Variants in PLEKHM2 observed in about 807,000 individuals in gnomAD.
PLEKHM2 encodes pleckstrin homology domain-containing family M member 2.
In PLEKHM2, 77 loss-of-function variants were observed where a neutral mutation model predicts 116.3. The ratio of observed to expected loss-of-function variants is 0.66; its 90% CI spans 0.55 to 0.80. The LOEUF (loss-of-function observed/expected upper bound fraction) is 0.80, where lower values mean the gene tolerates loss of function less well. PLEKHM2 is among the 30% of genes least tolerant of loss of function. The probability of loss-of-function intolerance (pLI) is 0.00; values close to 1 mark genes in which losing one functional copy is unlikely to be tolerated. For missense variants in PLEKHM2, 1,183 were observed against 1,354.9 expected (o/e 0.87, Z 1.99); for synonymous variants, 562 against 571.0 (o/e 0.98, Z 0.22).
At chr1:15,687,743 G>C (rs1472359050) in intron 1 of PLEKHM2, among the ~76,000 whole-genome samples, 2 of 152,186 alleles carry the variant, frequency 1.3e-5, no homozygotes, top group African/African-American at 2.4e-5. Context: ...TTTGGCTACA[G>C]CAGTAGACAT....
At chr1:15,711,330 T>C (rs56338141) in intron 1 of PLEKHM2, among the ~76,000 whole-genome samples, 14,587 of 151,648 alleles carry the variant, frequency 0.096, 954 homozygotes, top group African/African-American at 0.18. Context: ...AAAGGCACTT[T>C]TGTGGCCAAC....
In PLEKHM2 at chr1:15,712,562, G is replaced by A. The variant is rs141851642; in HGVS notation, c.61-3675G>A. 1.1e-4 allele frequency among the ~76,000 whole-genome samples: 16 copies of A among 152,012 alleles called. No individual in the cohort carries two copies. The East Asian group carries it at 2.1e-3, about 20-fold the overall frequency. On this transcript the variant is annotated intron_variant, in intron 1 of 19. Coordinates refer to ENST00000375799, the MANE Select transcript of PLEKHM2 (RefSeq NM_015164.4). ...CATATTTAACAATGGTTGAAGTATGGTACATCATAATGATATGGAAATATA... is the reference window on the plus strand; with the variant it reads ...CATATTTAACAATGGTTGAAGTATGATACATCATAATGATATGGAAATATA...
In PLEKHM2 at chr1:15,727,384, C is replaced by T. The variant is rs772221050; in HGVS notation, c.1312C>T (p.Arg438Trp). ...TGCTGAGCCCCCAGACCAGTCCTTT[C>T]GGACCGGCTCTCCCGGGGATGCCCC... ...SRAEPPDQSFRTGSPGDAPER... is the reference protein window; with the variant it reads ...SRAEPPDQSFWTGSPGDAPER... The change falls in exon 9 of 20, where the codon CGG becomes TGG. Residue 438 changes from arginine (R) to tryptophan (W), a missense_variant. By Grantham distance (101) the Arg-to-Trp change is moderately radical. Coordinates refer to ENST00000375799, the MANE Select transcript of PLEKHM2 (RefSeq NM_015164.4). This position sits in a 1 kb window ranked among gnomAD's most constrained non-coding sequence, Gnocchi z 7.5. The T allele has an allele frequency of 6.9e-6, 11 of 1,602,206 alleles. No individual in the cohort carries two copies. Among genetic ancestry groups the T allele is most frequent in the Admixed American group, 1.7e-5 (1 of 58,530 alleles).
chr1:15,728,478 A>AC lies in PLEKHM2; in HGVS notation c.1921+125dup. On this transcript the variant is annotated intron_variant, in intron 11 of 19. Transcript: ENST00000375799. This position sits in a 1 kb window ranked among gnomAD's most constrained non-coding sequence, Gnocchi z 5.9. ...GCCTGGCATGCAGTGATGGAAAGGC[A>AC]CCCCAAGGAAGGTGTTGCCAGCAGC... 1 of 1,032,660 alleles carries AC rather than the reference A, an allele frequency of 9.7e-7. No individual in the cohort carries two copies. Among genetic ancestry groups the AC allele is most frequent in the South Asian group, 1.5e-5 (1 of 64,620 alleles). 64.0% of individuals were successfully genotyped at this position (1,032,660 alleles called of 1,614,324 possible).
In PLEKHM2 at chr1:15,701,511, C is replaced by T. The variant is rs1017333257; in HGVS notation, c.61-14726C>T. On this transcript the variant is annotated intron_variant, in intron 1 of 19. Transcript: ENST00000375799. ...TAAGACTTAAAATACCCCAGCTGGC[C>T]GGGCACGGTGGCTCACGCCTGTAAT... Among the ~76,000 whole-genome samples the T allele has an allele frequency of 5.8e-4, 87 of 149,274 alleles. 2 individuals carry two copies. The highest frequency in any genetic ancestry group is 4.3e-4 in the South Asian group (2 of 4,646).
At chr1:15,686,079 G>A (rs552702785) in intron 1 of PLEKHM2, among the ~76,000 whole-genome samples, 1 of 152,344 alleles carries the variant, frequency 6.6e-6, no homozygotes, top group African/African-American at 2.4e-5. Context: ...TGGAGAGGCA[G>A]TAGACATGGG....
At chr1:15,730,436 C>T in intron 14 of PLEKHM2, 96 bp from the exon 15 acceptor site, 1 of 943,120 alleles carries the variant, frequency 1.1e-6, no homozygotes, top group Non-Finnish European at 1.5e-6. Context: ...AGCGAGACTC[C>T]ATCTCAAAAA....
At position 15,718,624 on chromosome 1, in the gene PLEKHM2, T is replaced by C; in HGVS notation, c.464T>C (p.Leu155Pro). 7.6e-7 allele frequency: 1 copy of C among 1,320,162 alleles called. No individual in the cohort carries two copies. The highest frequency in any genetic ancestry group is 2.2e-4 in the Middle Eastern group (1 of 4,572). 81.8% of individuals were successfully genotyped at this position (1,320,162 alleles called of 1,614,324 possible). A position where few individuals can be genotyped will look rare whatever the true frequency, so the allele number is the denominator to read the frequency against. The stretch of plus-strand genomic sequence containing the variant: ...GAGTTCATTCGTTTCGAGCTGGATC[T>C]GGTGAGACACCAGGGCTCTCACTGC... ...GLEFIRFELD[L>P]DAPYLDLAPY... Residue 155 changes from leucine to proline, a missense_variant and splice_region_variant, in exon 5 of 20, where the codon CTG becomes CCG. Physicochemically the swap from Leu to Pro is moderately conservative, Grantham distance 98. Transcript: ENST00000375799.
intron 19 of PLEKHM2, 102 bp downstream of exon 19, chr1:15,732,830 TC>T: frequency 1.3e-6 from 1 of 780,878 alleles, no homozygotes; most frequent in Non-Finnish European, 2.1e-6. Context: ...TGGCCCTGCC[TC>T]CAGGGTCCTG....
At chr1:15,725,947 A>T (rs1314822697) in intron 8 of PLEKHM2, 1 of 196,712 alleles carries the variant, frequency 5.1e-6, no homozygotes, top group East Asian at 1.4e-4. Context: ...ATTCCTGAGG[A>T]TCCCACCCTC....
At chr1:15,695,381 G>C (rs1640974105) in intron 1 of PLEKHM2, among the ~76,000 whole-genome samples, 1 of 152,212 alleles carries the variant, frequency 6.6e-6, no homozygotes, top group Non-Finnish European at 1.5e-5. Context: ...CATGTTGAGA[G>C]GAAGGGGAGT....
At chr1:15,715,158 C>CAAGAAGGCTGGA (rs1553159731) in intron 1 of PLEKHM2, among the ~76,000 whole-genome samples, 1 of 117,106 alleles carries the variant, frequency 8.5e-6, no homozygotes, top group Non-Finnish European at 1.7e-5. Flanking sequence ...TATTCCATGT[C>CAAGAAGGCTGGA]AAGAAGGCTG....
In PLEKHM2 at chr1:15,725,538, G is replaced by T; in HGVS notation, c.934G>T (p.Val312Phe). 6.4e-7 allele frequency: 1 copy of T among 1,560,496 alleles called. No homozygotes were observed. The highest frequency in any genetic ancestry group is 8.7e-7 in the Non-Finnish European group (1 of 1,153,074). ...GCCGGATGCCTGCACGGAGCTCGAG[G>T]TCATCAGGTCAGCAGGGAGGGGCCC... ...DPPDACTELE[V>F]IRVTKKKKIG... Residue 312 changes from valine to phenylalanine, a missense_variant, in exon 8 of 20, where the codon GTC becomes TTC. Physicochemically the swap from Val to Phe is conservative, Grantham distance 50. Around this residue, in one of 3 missense-constraint regions of PLEKHM2, gnomAD observed 372 missense variants for 357.2 expected, o/e 1.04. Transcript: ENST00000375799.
chr1:15,728,372 C>T lies in PLEKHM2; in HGVS notation c.1921+15C>T, dbSNP rs768864522. On this transcript the variant is annotated intron_variant, in intron 11 of 19. Transcript: ENST00000375799. This position sits in a 1 kb window ranked among gnomAD's most constrained non-coding sequence, Gnocchi z 5.9. ...GCTCCGGAAAGGTGCCCGCCGCCCCCGGGCAGACAGCGGGTTGTAGACGAG... is the reference window on the plus strand; with the variant it reads ...GCTCCGGAAAGGTGCCCGCCGCCCCTGGGCAGACAGCGGGTTGTAGACGAG... 1.1e-5 allele frequency: 18 copies of T among 1,606,474 alleles called. No individual in the cohort carries two copies. Among genetic ancestry groups the T allele is most frequent in the South Asian group, 6.6e-5 (6 of 90,582 alleles).
At chr1:15,699,658 T>G (rs1307638778) in intron 1 of PLEKHM2, among the ~76,000 whole-genome samples, 1 of 152,140 alleles carries the variant, frequency 6.6e-6, no homozygotes, top group Non-Finnish European at 1.5e-5. Context: ...AACATATGTG[T>G]GCATGTGTCT....
chr1:15,717,368 C>T (rs1354870692), intron 3 of PLEKHM2, among the ~76,000 whole-genome samples: 1 of 152,134 alleles, frequency 6.6e-6, no homozygotes, highest in East Asian at 1.9e-4. Flanking sequence ...GAGCTGTGAT[C>T]ACACCACTAT....
chr1:15,729,265 C>A lies in PLEKHM2; in HGVS notation c.2075+75C>A. 1 of 1,276,214 alleles carries A rather than the reference C, an allele frequency of 7.8e-7. No individual in the cohort carries two copies. Among genetic ancestry groups the A allele is most frequent in the Non-Finnish European group, 1.1e-6 (1 of 893,820 alleles). The allele number at this position is 1,276,214 out of a possible 1,614,324, so 79.1% of individuals were successfully genotyped here. A position where few individuals can be genotyped will look rare whatever the true frequency, so the allele number is the denominator to read the frequency against. ...CCATAGGTGTGGGTGGCCTGGGGGT[C>A]AGGGGTGGAGGTGGAAAGTGGGAGA... On this transcript the variant is annotated intron_variant, in intron 13 of 19. Transcript: ENST00000375799. This position sits in a 1 kb window ranked among gnomAD's most constrained non-coding sequence, Gnocchi z 4.7.
In PLEKHM2 at chr1:15,733,902, C is replaced by T. The variant is rs781466914; in HGVS notation, c.3028C>T (p.Arg1010Cys). 9.9e-6 allele frequency: 16 copies of T among 1,612,674 alleles called. No homozygotes were observed. The highest frequency in any genetic ancestry group is 1.6e-4 in the Middle Eastern group (1 of 6,080). The change falls in exon 20 of 20, where the codon CGC becomes TGC. Residue 1010 changes from arginine (R) to cysteine (C), a missense_variant. This residue lies in a region of PLEKHM2 where 594 missense variants were observed against 720.1 expected (regional missense o/e 0.82). Coordinates refer to ENST00000375799, the MANE Select transcript of PLEKHM2 (RefSeq NM_015164.4). ...SAWQRSDSLC[R>C]GRASRDPWC Reference sequence around the variant, plus strand: ...CTGGCAGCGGAGCGACAGTCTCTGCCGCGGCCGAGCCTCCCGAGACCCCTG... The same window carrying T: ...CTGGCAGCGGAGCGACAGTCTCTGCTGCGGCCGAGCCTCCCGAGACCCCTG...
chr1:15,728,730 G>T lies in PLEKHM2; in HGVS notation c.1983G>T (p.Val661=). The stretch of plus-strand genomic sequence containing the variant: ...TTTCTTACAATGAACTTGACTATGT[G>T]TCGGTGAGTCCAGGCCCCGCAGTTG... ...EAVSYNELDY[V]SVGLDQQTVK... is the part of the protein sequence containing the mutation. The change falls in exon 12 of 20, where the codon GTG becomes GTT. Residue 661 remains valine (V), a synonymous_variant. Transcript: ENST00000375799. This position sits in a 1 kb window ranked among gnomAD's most constrained non-coding sequence, Gnocchi z 5.9. The T allele has an allele frequency of 1.2e-6, 2 of 1,608,398 alleles. No homozygotes were observed. Among genetic ancestry groups the T allele is most frequent in the Admixed American group, 1.7e-5 (1 of 59,168 alleles).
Sources: gnomAD v4.1 joint callset for allele counts (sites outside exome capture counted in the v4.1 genomes callset) on GRCh38, gnomAD v4.1.1 for gene constraint, gnomAD v4.1.1 regional missense constraint, Gnocchi (gnomAD v3.1) non-coding constraint, MANE v1.5 for transcripts, NCBI Gene and HGNC (gene_info 2026-07-23, HGNC 2026-07-21) for gene names.